The following UST variants were observed in gnomAD, a reference collection of about 807,000 sequenced individuals.
UST encodes the protein uronyl 2-sulfotransferase, also known as chondroitin sulfate 2-O-sulfotransferase.
Under a neutral mutation model 45.6 loss-of-function variants are expected in UST, and 21 were observed. The observed-to-expected ratio is 0.46, with a 90% confidence interval of 0.33 to 0.66. The LOEUF is 0.66. UST is among the 30% of genes least tolerant of loss of function. UST has a pLI of 0.02. For missense variants in UST, 463 were observed against 512.4 expected, an observed-to-expected ratio of 0.90 and a Z score of 0.93; for synonymous variants, 215 against 200.6, an observed-to-expected ratio of 1.07 and a Z score of -0.61.
intron 1 of UST, among the ~76,000 whole-genome samples, chr6:148,838,840 G>T (rs1777839582): frequency 6.6e-6 from 1 of 152,084 alleles, no homozygotes; most frequent in Admixed American, 6.6e-5. Context: ...CTGCTGAACT[G>T]CATGTGAGGG....
intron 1 of UST, among the ~76,000 whole-genome samples, chr6:148,877,673 A>G (rs201370982): frequency 1.4e-5 from 1 of 71,552 alleles, no homozygotes; most frequent in Non-Finnish European, 2.5e-5. Context: ...GGGGTCATGT[A>G]TGAGTGCAGG....
At chr6:148,837,719 A>G (rs1777814814) in intron 1 of UST, among the ~76,000 whole-genome samples, 1 of 150,526 alleles carries the variant, frequency 6.6e-6, no homozygotes, top group African/African-American at 2.5e-5. Flanking sequence ...TTTTTGAGAC[A>G]GGGTCTCACT....
At chr6:149,011,170 T>C (rs954810588) in intron 5 of UST, among the ~76,000 whole-genome samples, 22 of 152,160 alleles carry the variant, frequency 1.4e-4, no homozygotes, top group African/African-American at 5.1e-4. Context: ...TCATGTTGAA[T>C]GGAACTGGAG....
At chr6:148,931,237 T>G (rs1197421308) in intron 2 of UST, among the ~76,000 whole-genome samples, 1 of 152,162 alleles carries the variant, frequency 6.6e-6, no homozygotes, top group African/African-American at 2.4e-5. Flanking sequence ...AGCAAATGAG[T>G]TTTGAGGTTG....
chr6:148,933,267 C>T (rs1044369693), intron 2 of UST, among the ~76,000 whole-genome samples: 1 of 152,124 alleles, frequency 6.6e-6, no homozygotes, highest in Non-Finnish European at 1.5e-5. Context: ...TTACTATAAT[C>T]GTATTTTCAT....
At chr6:148,778,943 A>T (rs1776585729) in intron 1 of UST, among the ~76,000 whole-genome samples, 1 of 151,356 alleles carries the variant, frequency 6.6e-6, no homozygotes, top group African/African-American at 2.4e-5. Context: ...TCTGTTTTCC[A>T]TCCTCATGGT....
intron 7 of UST, among the ~76,000 whole-genome samples, chr6:149,038,993 TTTG>T (rs1442493230): frequency 6.6e-6 from 1 of 152,180 alleles, no homozygotes; most frequent in Admixed American, 6.5e-5. Flanking sequence ...TTTTTATGTA[TTTG>T]TTGTATACAC....
At chr6:148,890,115 G>A (rs1483218880) in intron 2 of UST, among the ~76,000 whole-genome samples, 1 of 152,172 alleles carries the variant, frequency 6.6e-6, no homozygotes, top group African/African-American at 2.4e-5. Flanking sequence ...ATCTGGGATT[G>A]GAGCAGCAAA....
chr6:148,761,057 T>C (rs141367993), intron 1 of UST, among the ~76,000 whole-genome samples: 151 of 152,286 alleles, frequency 9.9e-4, no homozygotes, highest in African/African-American at 3.5e-3. Flanking sequence ...TTCGAAGCTG[T>C]GGTATTTGAG....
At chr6:148,915,036 G>A (rs1023549510) in intron 2 of UST, among the ~76,000 whole-genome samples, 7 of 152,054 alleles carry the variant, frequency 4.6e-5, no homozygotes, top group African/African-American at 1.7e-4. Flanking sequence ...CATGGTGGAG[G>A]GGGCATGGCA....
chr6:148,997,654 C>G (rs549802148), intron 5 of UST, among the ~76,000 whole-genome samples: 60 of 152,244 alleles, frequency 3.9e-4, no homozygotes, highest in Admixed American at 3.1e-3. Context: ...GGGGAACACA[C>G]TATACTAATA....
chr6:148,782,424 A>G (rs1329524885), intron 1 of UST, among the ~76,000 whole-genome samples: 2 of 151,896 alleles, frequency 1.3e-5, no homozygotes, highest in African/African-American at 2.4e-5. Context: ...CTCATGATCA[A>G]ACTTGAACAG....
At chr6:149,040,114 C>G (rs1776290697) in intron 7 of UST, among the ~76,000 whole-genome samples, 2 of 152,208 alleles carry the variant, frequency 1.3e-5, no homozygotes, top group Admixed American at 1.3e-4. Flanking sequence ...TTCTCTTTTT[C>G]ATACAGTCCT....
intron 5 of UST, among the ~76,000 whole-genome samples, chr6:148,991,057 T>C (rs996706524): frequency 6.6e-5 from 10 of 152,148 alleles, no homozygotes; most frequent in Admixed American, 6.5e-5. Context: ...AGATAATTAA[T>C]ATATATCAGG....
At chr6:148,786,832 C>A (rs1486575985) in intron 1 of UST, among the ~76,000 whole-genome samples, 2 of 152,108 alleles carry the variant, frequency 1.3e-5, no homozygotes, top group Non-Finnish European at 2.9e-5. Context: ...CCACAACCAA[C>A]AGTGTAAAAA....
At chr6:149,010,355 C>G (rs889255203) in intron 5 of UST, among the ~76,000 whole-genome samples, 1 of 152,178 alleles carries the variant, frequency 6.6e-6, no homozygotes, top group Non-Finnish European at 1.5e-5. Flanking sequence ...TGAAAAGCAT[C>G]AAAACCCCTT....
At chr6:149,063,533 C>T (rs893859171) in intron 7 of UST, among the ~76,000 whole-genome samples, 1 of 152,202 alleles carries the variant, frequency 6.6e-6, no homozygotes, top group African/African-American at 2.4e-5. Flanking sequence ...AAGTTAAACA[C>T]TGAAATGTAC....
chr6:148,936,426 T>C (rs1481915281), intron 2 of UST, among the ~76,000 whole-genome samples: 2 of 152,136 alleles, frequency 1.3e-5, no homozygotes, highest in African/African-American at 2.4e-5. Flanking sequence ...CTTAAGCCAT[T>C]TGATAATTTA....
chr6:148,827,490 A>G (rs1169829083), intron 1 of UST, among the ~76,000 whole-genome samples: 1 of 152,024 alleles, frequency 6.6e-6, no homozygotes, highest in African/African-American at 2.4e-5. Flanking sequence ...ATGGTGGCGC[A>G]TGCCTGTAAT....
Sources: allele counts gnomAD v4.1 joint callset (sites outside exome capture counted in the v4.1 genomes callset), GRCh38; gene constraint gnomAD v4.1.1; transcripts MANE v1.5; gene names NCBI Gene and HGNC (gene_info 2026-07-23, HGNC 2026-07-21).